Variants in EYS observed in about 807,000 individuals in gnomAD.
EYS encodes EGF-like photoreceptor maintenance factor, also known as protein eyes shut homolog.
EYS carries 250 observed loss-of-function variants against 282.1 expected under a neutral mutation model. The ratio of observed to expected loss-of-function variants is 0.89; its 90% CI spans 0.80 to 0.98. The LOEUF is 0.98. EYS is among the 50% of genes least tolerant of loss of function. EYS has a pLI of 0.00. For missense variants in EYS, 4,016 were observed against 3,709.0 expected, an observed-to-expected ratio of 1.08 and a Z score of -2.15; for synonymous variants, 1,355 against 1,282.9, an observed-to-expected ratio of 1.06 and a Z score of -1.20.
intron 24 of EYS, among the ~76,000 whole-genome samples, chr6:64,617,059 T>A (rs532155685): frequency 6.6e-6 from 1 of 152,278 alleles, no homozygotes; most frequent in East Asian, 1.9e-4. Context: ...TAGTACTATG[T>A]CCTTGGGCAA....
chr6:63,972,589 G>A (rs1444867671), intron 35 of EYS, among the ~76,000 whole-genome samples: 4 of 151,910 alleles, frequency 2.6e-5, no homozygotes, highest in South Asian at 2.1e-4. Flanking sequence ...TGTGCAGAAC[G>A]TGCAGGTTTG....
At chr6:64,308,961 T>G (rs1485301272) in intron 29 of EYS, among the ~76,000 whole-genome samples, 2 of 151,692 alleles carry the variant, frequency 1.3e-5, no homozygotes, top group East Asian at 1.9e-4. Flanking sequence ...TTTATTAATG[T>G]TTTTAATTTT....
chr6:65,686,930 A>G (rs1374848884), intron 1 of EYS, among the ~76,000 whole-genome samples: 5 of 151,972 alleles, frequency 3.3e-5, no homozygotes, highest in African/African-American at 1.2e-4. Context: ...CTTTTTTTTT[A>G]ATGTTATAGG....
intron 5 of EYS, among the ~76,000 whole-genome samples, chr6:65,441,608 A>T (rs34761994): frequency 0.1 from 15,805 of 151,980 alleles, 1,092 homozygotes; most frequent in South Asian, 0.19. Context: ...TACAGTGGAA[A>T]ATATTCTGAG....
intron 2 of EYS, among the ~76,000 whole-genome samples, chr6:65,570,562 T>C (rs1380673414): frequency 6.6e-6 from 1 of 152,118 alleles, no homozygotes; most frequent in African/African-American, 2.4e-5. Context: ...TATAGATTGC[T>C]TGAACTGGGG....
chr6:65,555,210 T>C (rs1929336), intron 2 of EYS, among the ~76,000 whole-genome samples: 83,393 of 151,840 alleles, frequency 0.55, 22,926 homozygotes, highest in East Asian at 0.72. Context: ...TATGGTACAC[T>C]TAAAACGACC....
At chr6:65,572,297 T>A (rs1482489881) in intron 2 of EYS, among the ~76,000 whole-genome samples, 1 of 152,158 alleles carries the variant, frequency 6.6e-6, no homozygotes, top group Non-Finnish European at 1.5e-5. Context: ...TAAATACATG[T>A]ATGTGAAACA....
At chr6:64,359,241 A>G (rs569577722) in intron 29 of EYS, among the ~76,000 whole-genome samples, 5 of 151,754 alleles carry the variant, frequency 3.3e-5, no homozygotes, top group Admixed American at 3.3e-4. Flanking sequence ...AAATGTTCCA[A>G]TTTTTAAATA....
At chr6:64,192,818 T>G (rs1407115492) in intron 31 of EYS, among the ~76,000 whole-genome samples, 1 of 152,198 alleles carries the variant, frequency 6.6e-6, no homozygotes, top group East Asian at 1.9e-4. Flanking sequence ...AATGGAGAGG[T>G]ACAAGTTTGC....
chr6:64,902,235 A>C lies in EYS; in HGVS notation c.2739-15T>G, dbSNP rs775497244. ...TGCAAATACACCTTTTAAACAAAAA[A>C]TTTAGTAACTCCATTAGTATATATG... On this transcript the variant is annotated splice_polypyrimidine_tract_variant and intron_variant, in intron 17 of 42. Transcript: ENST00000503581. The C allele has an allele frequency of 2.0e-6, 3 of 1,508,474 alleles. No individual in the cohort carries two copies. Among genetic ancestry groups the C allele is most frequent in the Non-Finnish European group, 2.7e-6 (3 of 1,109,780 alleles). The allele number at this position is 1,508,474 out of a possible 1,614,324, so 93.4% of individuals were successfully genotyped here. A position where few individuals can be genotyped will look rare whatever the true frequency, so the allele number is the denominator to read the frequency against.
rs191299705 is a variant in EYS, at chr6:64,087,693, T to G, written c.6425-5691A>C. Among the ~76,000 whole-genome samples, 3 of 152,210 alleles carry G rather than the reference T, an allele frequency of 2.0e-5. No homozygotes were observed. In the East Asian group the frequency reaches 5.8e-4, roughly 29 times the overall value. ...TGAAAACAAAAATCAGAAAAATATT[T>G]TATAAATAAAATGGGATGAGAAAAG... On this transcript the variant is annotated intron_variant, in intron 31 of 42. Coordinates refer to ENST00000503581, the MANE Select transcript of EYS (RefSeq NM_001142800.2).
At chr6:64,403,901 T>G (rs1239229029) in intron 28 of EYS, among the ~76,000 whole-genome samples, 1 of 152,132 alleles carries the variant, frequency 6.6e-6, no homozygotes, top group Non-Finnish European at 1.5e-5. Context: ...AAACTGGATT[T>G]TTTCAGAGGA....
At chr6:65,046,243 A>C (rs1773095673) in intron 13 of EYS, among the ~76,000 whole-genome samples, 1 of 151,892 alleles carries the variant, frequency 6.6e-6, no homozygotes, top group African/African-American at 2.4e-5. Context: ...GAAATGTGTG[A>C]ACTGGACTTC....
At chr6:65,569,761 A>G (rs551152716) in intron 2 of EYS, among the ~76,000 whole-genome samples, 3 of 152,222 alleles carry the variant, frequency 2.0e-5, no homozygotes, top group South Asian at 2.1e-4. Context: ...CCAATCAGCA[A>G]TGCTCACTCC....
intron 10 of EYS, among the ~76,000 whole-genome samples, chr6:65,340,518 C>G (rs1770159155): frequency 6.6e-6 from 1 of 151,102 alleles, no homozygotes; most frequent in Non-Finnish European, 1.5e-5. Flanking sequence ...GAACATAAGA[C>G]TGTGAACCAA....
At chr6:64,207,750 C>A (rs897011379) in intron 31 of EYS, among the ~76,000 whole-genome samples, 8 of 152,112 alleles carry the variant, frequency 5.3e-5, no homozygotes, top group African/African-American at 1.9e-4. Flanking sequence ...CTCCGCCTCC[C>A]AAGTTCAAGC....
intron 12 of EYS, among the ~76,000 whole-genome samples, chr6:65,073,028 A>G (rs1169927564): frequency 1.3e-5 from 2 of 151,534 alleles, no homozygotes; most frequent in Admixed American, 1.3e-4. Flanking sequence ...TTATAATTAA[A>G]GAAAACTTTC....
At chr6:65,005,469 C>T (rs1400256008) in intron 13 of EYS, among the ~76,000 whole-genome samples, 4 of 147,582 alleles carry the variant, frequency 2.7e-5, no homozygotes, top group African/African-American at 9.7e-5. Context: ...CTTGGGACCT[C>T]TGTGAGCAAG....
intron 35 of EYS, among the ~76,000 whole-genome samples, chr6:63,865,152 T>C (rs1368962899): frequency 1.3e-5 from 2 of 152,212 alleles, no homozygotes; most frequent in Non-Finnish European, 2.9e-5. Flanking sequence ...CATGACACGC[T>C]AGGCCAACTG....
Sources: allele counts gnomAD v4.1 joint callset (sites outside exome capture counted in the v4.1 genomes callset), GRCh38; gene constraint gnomAD v4.1.1; transcripts MANE v1.5; gene names NCBI Gene and HGNC (gene_info 2026-07-23, HGNC 2026-07-21).